VRK2: variants seen among roughly 807,000 people sequenced by gnomAD.
The protein encoded by VRK2 is serine/threonine-protein kinase VRK2.
In VRK2, 60 loss-of-function variants were observed where a neutral mutation model predicts 57.6. The ratio of observed to expected loss-of-function variants is 1.04; its 90% CI spans 0.85 to 1.29. VRK2 has a LOEUF of 1.29. VRK2 is among the 50% of genes most tolerant of loss of function. The pLI is 0.00. For missense variants in VRK2, 705 were observed against 588.1 expected, an observed-to-expected ratio of 1.20 and a Z score of -2.06; for synonymous variants, 231 against 199.2, an observed-to-expected ratio of 1.16 and a Z score of -1.35.
chr2:58,046,713 A>C (rs1674792523), upstream of VRK2: 1 of 985,550 alleles, frequency 1.0e-6, no homozygotes, highest in Non-Finnish European at 1.2e-6. Flanking sequence ...TGCGAGGCCG[A>C]CGCAGCTGGA....
At chr2:58,136,884 A>T (rs1190759717) in intron 10 of VRK2, among the ~76,000 whole-genome samples, 1 of 97,462 alleles carries the variant, frequency 1.0e-5, no homozygotes, top group Non-Finnish European at 1.9e-5. Context: ...ATATTATATC[A>T]TATATATGTG....
At chr2:58,155,922 T>G (rs1324823768) in intron 12 of VRK2, among the ~76,000 whole-genome samples, 1 of 68,198 alleles carries the variant, frequency 1.5e-5, no homozygotes, top group Non-Finnish European at 3.4e-5. Flanking sequence ...TTCATGTTTG[T>G]TTTTTTTTTT....
At chr2:57,929,178 A>T (rs1670638101) in intron 1 of VRK2, among the ~76,000 whole-genome samples, 1 of 152,208 alleles carries the variant, frequency 6.6e-6, no homozygotes. Context: ...AGGTCCAGAG[A>T]TGCTGTCCAG....
At chr2:57,944,458 C>A (rs1358508610) in intron 1 of VRK2, among the ~76,000 whole-genome samples, 1 of 152,146 alleles carries the variant, frequency 6.6e-6, no homozygotes, top group Admixed American at 6.5e-5. Flanking sequence ...AAAACATGGC[C>A]GGGCGCGGTG....
chr2:58,040,204 T>A (rs149729202), intron 3 of VRK2, among the ~76,000 whole-genome samples: 22 of 152,318 alleles, frequency 1.4e-4, no homozygotes, highest in African/African-American at 5.3e-4. Flanking sequence ...GATAATTGTG[T>A]ATCTCTCAGC....
At chr2:58,144,066 C>T (rs1407959599) in intron 11 of VRK2, among the ~76,000 whole-genome samples, 3 of 150,578 alleles carry the variant, frequency 2.0e-5, no homozygotes, top group Non-Finnish European at 4.4e-5. Context: ...TATTATTCAG[C>T]CATAAAAAGG....
intron 2 of VRK2, among the ~76,000 whole-genome samples, chr2:58,069,373 C>T (rs1451325570): frequency 6.6e-6 from 1 of 152,170 alleles, no homozygotes. Flanking sequence ...GTATACACAG[C>T]TTGTGAGTGA....
chr2:58,087,722 C>CT (rs1671828188), intron 5 of VRK2, among the ~76,000 whole-genome samples: 1 of 152,184 alleles, frequency 6.6e-6, no homozygotes, highest in Non-Finnish European at 1.5e-5. Context: ...GGCACGGTGG[C>CT]TCATGCCTGT....
At chr2:58,084,492 A>G (rs1437651326) in intron 3 of VRK2, among the ~76,000 whole-genome samples, 1 of 151,834 alleles carries the variant, frequency 6.6e-6, no homozygotes, top group African/African-American at 2.4e-5. Flanking sequence ...ATAGTAGACC[A>G]TTCAGTAAAG....
intron 1 of VRK2, among the ~76,000 whole-genome samples, chr2:58,011,578 A>C (rs957132984): frequency 6.6e-6 from 1 of 152,162 alleles, no homozygotes; most frequent in Non-Finnish European, 1.5e-5. Context: ...CCTCTTTATG[A>C]ATTTTTTTCC....
chr2:58,150,235 G>A (rs147324414), intron 12 of VRK2, among the ~76,000 whole-genome samples: 18 of 151,128 alleles, frequency 1.2e-4, no homozygotes, highest in Non-Finnish European at 1.9e-4. Context: ...GAAAACCATC[G>A]GGGCTGATAA....
chr2:57,979,260 G>T (rs867816420), intron 1 of VRK2, among the ~76,000 whole-genome samples: 1 of 151,008 alleles, frequency 6.6e-6, no homozygotes, highest in Non-Finnish European at 1.5e-5. Context: ...CACAATGGTC[G>T]AAGTAATTTA....
chr2:58,079,676 G>T (rs1078191), intron 2 of VRK2, among the ~76,000 whole-genome samples: 1 of 151,862 alleles, frequency 6.6e-6, no homozygotes, highest in South Asian at 2.1e-4. Context: ...TGGCAAAACC[G>T]TGATTACTTT....
At chr2:57,959,870 C>G (rs1431691599) in intron 1 of VRK2, among the ~76,000 whole-genome samples, 1 of 151,926 alleles carries the variant, frequency 6.6e-6, no homozygotes, top group African/African-American at 2.4e-5. Flanking sequence ...TTCCTCATGT[C>G]CTGAAGAGCA....
intron 1 of VRK2, among the ~76,000 whole-genome samples, chr2:57,943,924 T>C (rs1415384664): frequency 6.6e-6 from 1 of 152,252 alleles, no homozygotes; most frequent in Non-Finnish European, 1.5e-5. Flanking sequence ...TCTGCCATTG[T>C]AGCAAAACAG....
chr2:57,975,589 C>G (rs745742038), intron 1 of VRK2, among the ~76,000 whole-genome samples: 1 of 151,854 alleles, frequency 6.6e-6, no homozygotes. Context: ...CTACTGATCC[C>G]GTCACCCAGA....
chr2:57,990,477 T>A (rs1672729434), intron 1 of VRK2, among the ~76,000 whole-genome samples: 1 of 152,122 alleles, frequency 6.6e-6, no homozygotes, highest in Non-Finnish European at 1.5e-5. Flanking sequence ...TAGGACCAGA[T>A]CACAGGCAGA....
At chr2:57,920,602 C>T (rs1670309112) in intron 1 of VRK2, among the ~76,000 whole-genome samples, 1 of 152,016 alleles carries the variant, frequency 6.6e-6, no homozygotes, top group Admixed American at 6.6e-5. Flanking sequence ...TATCGGTGAC[C>T]ATAGGGTACG....
In VRK2 at chr2:58,145,348, C is replaced by T. The variant is rs144787335; in HGVS notation, c.1024-968C>T. 5.0e-3 allele frequency among the ~76,000 whole-genome samples: 753 copies of T among 152,014 alleles called. 9 individuals carry two copies. The highest frequency in any genetic ancestry group is 0.017 in the African/African-American group (699 of 41,510). ...GACATGAACTGTTATTCATCTTGCT[C>T]AAAGGTTAAACTACCTGCACAAAAA... On this transcript the variant is annotated intron_variant, in intron 11 of 12. Transcript: ENST00000340157.
Sources: gnomAD v4.1 joint callset for allele counts (sites outside exome capture counted in the v4.1 genomes callset) on GRCh38, gnomAD v4.1.1 for gene constraint, MANE v1.5 for transcripts, NCBI Gene and HGNC (gene_info 2026-07-23, HGNC 2026-07-21) for gene names.